The following ARGFX variants were observed in gnomAD, a reference collection of about 807,000 sequenced individuals.
The protein encoded by ARGFX is arginine-fifty homeobox.
Under a neutral mutation model 8.0 loss-of-function variants are expected in ARGFX, and 10 were observed. The observed-to-expected ratio is 1.25, with a 90% CI of 0.77 to 2.12. The LOEUF is 2.12. ARGFX is among the 30% of genes most tolerant of loss of function. ARGFX has a pLI of 0.00. For missense variants in ARGFX, 282 were observed against 324.3 expected, an observed-to-expected ratio of 0.87 and a Z score of 1.00; for synonymous variants, 116 against 117.8, an observed-to-expected ratio of 0.98 and a Z score of 0.10.
chr3:121,571,858 C>T (rs76810818), intron 2 of ARGFX, among the ~76,000 whole-genome samples: 19,436 of 150,262 alleles, frequency 0.13, 1,339 homozygotes, highest in African/African-American at 0.14. Context: ...ATGGAGTTTC[C>T]GCTCTTGTTG....
intron 3 of ARGFX, among the ~76,000 whole-genome samples, chr3:121,577,587 C>T (rs1486436477): frequency 6.6e-6 from 1 of 151,542 alleles, no homozygotes; most frequent in Admixed American, 6.6e-5. Context: ...GTCACATTAC[C>T]CTGCTGAAAA....
chr3:121,580,924 A>C (rs921869940), intron 3 of ARGFX, among the ~76,000 whole-genome samples: 1 of 152,046 alleles, frequency 6.6e-6, no homozygotes, highest in Non-Finnish European at 1.5e-5. Flanking sequence ...TTTTTTATTT[A>C]ATTTACTTTT....
chr3:121,569,235 T>G (rs2048692617), intron 1 of ARGFX, among the ~76,000 whole-genome samples: 1 of 152,178 alleles, frequency 6.6e-6, no homozygotes, highest in Admixed American at 6.6e-5. Context: ...AAATCTGACC[T>G]CATACAGATA....
intron 2 of ARGFX, among the ~76,000 whole-genome samples, 166 bp downstream of exon 2, chr3:121,570,982 G>T (rs9812322): frequency 0.23 from 34,987 of 152,108 alleles, 4,800 homozygotes; most frequent in Admixed American, 0.4. Flanking sequence ...AAATCAAATG[G>T]GCCTTTGGCC....
In ARGFX at chr3:121,587,631, A is replaced by T. The variant is rs1389575404; in HGVS notation, c.*1031A>T. ...CACTTTTAATGACAGAAAGTTATAA[A>T]CTTACATTTTGTTTCCAATTTTTCA... is the stretch of plus-strand genomic sequence containing the variant. On this transcript the variant is annotated 3_prime_UTR_variant, in exon 5 of 5. Transcript: ENST00000334384. 1.3e-5 allele frequency among the ~76,000 whole-genome samples: 2 copies of T among 152,036 alleles called. No homozygotes were observed. Among genetic ancestry groups the T allele is most frequent in the Non-Finnish European group, 2.9e-5 (2 of 67,990 alleles).
chr3:121,581,989 C>A (rs1036587589), intron 3 of ARGFX, among the ~76,000 whole-genome samples: 2 of 152,144 alleles, frequency 1.3e-5, no homozygotes, highest in Admixed American at 1.3e-4. Context: ...CTGTATTGAA[C>A]AGAACAGCTC....
rs1288084370 is a variant in ARGFX at position 121,570,743 on chromosome 3, C to G, written c.30C>G (p.Pro10=). The change falls in exon 2 of 5, where the codon CCC becomes CCG. Residue 10 remains proline (P), a synonymous_variant. Coordinates refer to ENST00000334384, the MANE Select transcript of ARGFX (RefSeq NM_001012659.2). ...GGAACAGAATGGCCCCAGAGAATCC[C>G]CAGCCAGACCCTTTCATCAATAGGA... MRNRMAPEN[P]QPDPFINRNY... is the part of the protein sequence containing the mutation. 1 of 1,610,402 alleles carries G rather than the reference C, an allele frequency of 6.2e-7. No individual in the cohort carries two copies. The highest frequency in any genetic ancestry group is 8.5e-7 in the Non-Finnish European group (1 of 1,178,508).
In ARGFX at chr3:121,587,920, A is replaced by C. The variant is rs1014674849; in HGVS notation, c.*1320A>C. On this transcript the variant is annotated 3_prime_UTR_variant, in exon 5 of 5. Coordinates refer to ENST00000334384, the MANE Select transcript of ARGFX (RefSeq NM_001012659.2). ...AGACTTTCAGTCCTAATTTGAGGGG[A>C]AATTACTGTCACCACTAGTTTTAAT... Among the ~76,000 whole-genome samples the C allele has an allele frequency of 1.7e-4, 26 of 152,130 alleles. No homozygotes were observed. The highest frequency in any genetic ancestry group is 5.8e-4 in the African/African-American group (24 of 41,488).
In ARGFX at chr3:121,580,567, AGT is replaced by A. The variant is rs143363410; in HGVS notation, c.220+3694_220+3695del. Among the ~76,000 whole-genome samples, 201 of 128,090 alleles carry A rather than the reference AGT, an allele frequency of 1.6e-3. 2 individuals carry two copies. Among genetic ancestry groups the A allele is most frequent in the East Asian group, 5.5e-3 (23 of 4,196 alleles). The allele number at this position is 128,090 out of a possible 152,430, so 84.0% of individuals were successfully genotyped here. ...ATCATAATTTTGAGTTATAAAGAAA[AGT>A]GTGTGTGTGTGTGTGTGTGTGTGTG... is the stretch of plus-strand genomic sequence containing the variant. On this transcript the variant is annotated intron_variant, in intron 3 of 4. Transcript: ENST00000334384.
At chr3:121,580,083 G>T (rs2108837471) in intron 3 of ARGFX, among the ~76,000 whole-genome samples, 1 of 151,052 alleles carries the variant, frequency 6.6e-6, no homozygotes, top group East Asian at 2.0e-4. Context: ...CTCCCGAGTA[G>T]CTGGGAATAC....
chr3:121,585,115 C>T, intron 4 of ARGFX, 50 bp downstream of exon 4: 1 of 1,592,006 alleles, frequency 6.3e-7, no homozygotes, highest in South Asian at 1.1e-5. Flanking sequence ...CCACATTCAC[C>T]TATCCAGCCT....
chr3:121,576,576 A>T (rs1483063660), intron 2 of ARGFX, among the ~76,000 whole-genome samples: 3 of 152,010 alleles, frequency 2.0e-5, no homozygotes, highest in African/African-American at 7.2e-5. Context: ...TGACCTTGTG[A>T]TCTAGCCGCC....
intron 3 of ARGFX, 103 bp from the exon 4 acceptor site, chr3:121,584,814 G>C: frequency 7.4e-7 from 1 of 1,350,654 alleles, no homozygotes; most frequent in East Asian, 2.3e-5. Flanking sequence ...AAAGGCATGA[G>C]AGATTCACCA....
In ARGFX at chr3:121,587,846, A is replaced by G. The variant is rs1341565933; in HGVS notation, c.*1246A>G. ...GCTAATTTTTGTATTTTTAGTGGAG[A>G]TGGGGTTTCGCCTTGTTGCCCAGGC... On this transcript the variant is annotated 3_prime_UTR_variant, in exon 5 of 5. Coordinates refer to ENST00000334384, the MANE Select transcript of ARGFX (RefSeq NM_001012659.2). 6.6e-6 allele frequency among the ~76,000 whole-genome samples: 1 copy of G among 151,826 alleles called. No homozygotes were observed. The highest frequency in any genetic ancestry group is 1.5e-5 in the Non-Finnish European group (1 of 67,966).
intron 1 of ARGFX, among the ~76,000 whole-genome samples, chr3:121,568,485 T>C (rs1365354110): frequency 6.6e-6 from 1 of 152,244 alleles, no homozygotes; most frequent in African/African-American, 2.4e-5. Context: ...GGGAAAGCAC[T>C]GTAGACCAGT....
intron 3 of ARGFX, among the ~76,000 whole-genome samples, chr3:121,583,463 G>C (rs145829744): frequency 6.7e-6 from 1 of 149,972 alleles, no homozygotes; most frequent in Non-Finnish European, 1.5e-5. Context: ...TTGAGACAGG[G>C]TCTCACTCTG....
intron 2 of ARGFX, among the ~76,000 whole-genome samples, chr3:121,572,798 G>A (rs2048716583): frequency 6.6e-6 from 1 of 152,014 alleles, no homozygotes; most frequent in Admixed American, 6.6e-5. Context: ...GTGTGGTGCT[G>A]GCATAAAGAC....
Position 121,577,244 on chromosome 3 carries a change from TATATATATATATATA to T in ARGFX, c.220+345_220+359del, listed in dbSNP as rs1560120452. The stretch of plus-strand genomic sequence containing the variant: ...ACATGTACATATATATATATATATA[TATATATATATATATA>T]TTTTTTTTTTTTTAAATGGAGTCTC... On this transcript the variant is annotated intron_variant, in intron 3 of 4. Coordinates refer to ENST00000334384, the MANE Select transcript of ARGFX (RefSeq NM_001012659.2). Among the ~76,000 whole-genome samples the T allele has an allele frequency of 1.9e-4, 10 of 53,348 alleles. No homozygotes were observed. The East Asian group carries it at 2.9e-3, about 15-fold the overall frequency. The allele number at this position is 53,348 out of a possible 152,430, so 35.0% of individuals were successfully genotyped here.
At chr3:121,568,506 G>A (rs1258740733) in intron 1 of ARGFX, among the ~76,000 whole-genome samples, 2 of 152,206 alleles carry the variant, frequency 1.3e-5, no homozygotes, top group African/African-American at 4.8e-5. Context: ...TGAATCGTTT[G>A]CTTCTTTGTT....
Sources: gnomAD v4.1 joint callset for allele counts (sites outside exome capture counted in the v4.1 genomes callset) on GRCh38, gnomAD v4.1.1 for gene constraint, MANE v1.5 for transcripts, NCBI Gene and HGNC (gene_info 2026-07-23, HGNC 2026-07-21) for gene names.